CCDC192: variants seen among roughly 807,000 people sequenced by gnomAD.
The protein encoded by CCDC192 is coiled-coil domain containing 192, also known as coiled-coil domain-containing protein 192.
In CCDC192 at chr5:127,783,601, G is replaced by A. The variant is rs555384384; in HGVS notation, c.223-13502G>A. On this transcript the variant is annotated intron_variant, in intron 3 of 6. Transcript: ENST00000514853. ...TGAATAGAATGTGTATTCTGTGGTC[G>A]TTGGGTGGAATTTTGTATATGTATC... Among the ~76,000 whole-genome samples, 10 of 152,278 alleles carry A rather than the reference G, an allele frequency of 6.6e-5. No individual in the cohort carries two copies. In the East Asian group the frequency reaches 1.7e-3, roughly 26 times the overall value.
chr5:127,711,064 A>G (rs570035789), intron 2 of CCDC192, among the ~76,000 whole-genome samples: 1 of 152,206 alleles, frequency 6.6e-6, no homozygotes, highest in Non-Finnish European at 1.5e-5. Context: ...TAAAAATTCT[A>G]TTGCAAGAAG....
At chr5:127,863,026 TATA>T (rs1321859366) in intron 5 of CCDC192, among the ~76,000 whole-genome samples, 1 of 151,656 alleles carries the variant, frequency 6.6e-6, no homozygotes, top group Non-Finnish European at 1.5e-5. Flanking sequence ...ACCAGAACCA[TATA>T]ATAAGATCTG....
chr5:127,707,361 CT>C (rs1751029718), intron 1 of CCDC192, among the ~76,000 whole-genome samples: 2 of 151,146 alleles, frequency 1.3e-5, no homozygotes, highest in African/African-American at 2.4e-5. Flanking sequence ...ACAAAGAATT[CT>C]CCACGTCTGC....
chr5:127,800,376 G>GAAAAAAAAAA (rs1168212422), intron 5 of CCDC192, among the ~76,000 whole-genome samples: 33 of 19,502 alleles, frequency 1.7e-3, no homozygotes, highest in African/African-American at 5.9e-3. Context: ...GAGGTATTCT[G>GAAAAAAAAAA]AAAAAAAAAA....
intron 3 of CCDC192, among the ~76,000 whole-genome samples, chr5:127,757,020 A>T (rs1418205256): frequency 6.6e-6 from 1 of 152,254 alleles, no homozygotes; most frequent in South Asian, 2.1e-4. Flanking sequence ...AATATAGCAG[A>T]TTAAATATAT....
In CCDC192 at chr5:127,737,640, G is replaced by A. The variant is rs370639361; in HGVS notation, c.115-16628G>A. Among the ~76,000 whole-genome samples, 391 of 151,700 alleles carry A rather than the reference G, an allele frequency of 2.6e-3. 2 individuals are homozygous for A. Among genetic ancestry groups the A allele is most frequent in the East Asian group, 0.025 (128 of 5,122 alleles). ...TGTATTGGGTGCATATATATTTAGG[G>A]TAGTTAGCTCTTCTTGTTGAATTGA... On this transcript the variant is annotated intron_variant, in intron 2 of 6. Transcript: ENST00000514853.
At chr5:127,739,094 A>T (rs1437632157) in intron 2 of CCDC192, among the ~76,000 whole-genome samples, 3 of 152,112 alleles carry the variant, frequency 2.0e-5, no homozygotes, top group Admixed American at 6.5e-5. Flanking sequence ...ATGGTGATGT[A>T]CAGATGGGTT....
rs1352760325 is a variant in CCDC192, at chr5:127,764,625, T to A, written c.222+10250T>A. Among the ~76,000 whole-genome samples the A allele has an allele frequency of 4.6e-5, 7 of 152,174 alleles. No individual in the cohort carries two copies. In the East Asian group the frequency reaches 1.3e-3, roughly 29 times the overall value. On this transcript the variant is annotated intron_variant, in intron 3 of 6. Transcript: ENST00000514853. ...TGCAATCCTTGGATATTATGTCAGA[T>A]CCTTTAACTCTGGGGTGTCTAATCT...
chr5:127,875,995 G>A (rs1279287595), intron 6 of CCDC192, among the ~76,000 whole-genome samples: 1 of 151,872 alleles, frequency 6.6e-6, no homozygotes, highest in East Asian at 1.9e-4. Flanking sequence ...CAGGGACTGA[G>A]CTCTGGAGTG....
intron 6 of CCDC192, among the ~76,000 whole-genome samples, chr5:127,880,846 G>A (rs1344960313): frequency 6.6e-6 from 1 of 152,006 alleles, no homozygotes; most frequent in Non-Finnish European, 1.5e-5. Context: ...TGGATATGGT[G>A]GTGGGCACCT....
intron 3 of CCDC192, among the ~76,000 whole-genome samples, chr5:127,766,822 C>G (rs1021043005): frequency 6.6e-6 from 1 of 152,066 alleles, no homozygotes; most frequent in Non-Finnish European, 1.5e-5. Flanking sequence ...CTTTGGAACC[C>G]ACACACTCTC....
At chr5:127,818,532 T>C (rs920839213) in intron 5 of CCDC192, among the ~76,000 whole-genome samples, 1 of 152,174 alleles carries the variant, frequency 6.6e-6, no homozygotes, top group Non-Finnish European at 1.5e-5. Context: ...AGAGATTACA[T>C]AGAGACCCCA....
intron 6 of CCDC192, among the ~76,000 whole-genome samples, chr5:127,896,015 C>T (rs2127161073): frequency 6.6e-6 from 1 of 152,232 alleles, no homozygotes; most frequent in African/African-American, 2.4e-5. Flanking sequence ...TAAGAGTCCA[C>T]TTGGTGGAAT....
chr5:127,889,470 C>T (rs1362967574), intron 6 of CCDC192, among the ~76,000 whole-genome samples: 2 of 150,656 alleles, frequency 1.3e-5, no homozygotes, highest in African/African-American at 2.4e-5. Flanking sequence ...GGCACCATCT[C>T]GGCTCACTGC....
intron 5 of CCDC192, among the ~76,000 whole-genome samples, chr5:127,803,641 G>T (rs554458067): frequency 6.6e-6 from 1 of 152,042 alleles, no homozygotes; most frequent in African/African-American, 2.4e-5. Context: ...TCACTCCTTC[G>T]TGGATGACCT....
chr5:127,777,897 CT>C lies in CCDC192; in HGVS notation c.223-19193del, dbSNP rs34221635. Reference sequence around the variant, plus strand: ...TGGAACTGTGAGTACATGAAACCTCCTTTTTTTTTTTTTACAAATTATCCAG... The same window carrying C: ...TGGAACTGTGAGTACATGAAACCTCCTTTTTTTTTTTTACAAATTATCCAG... On this transcript the variant is annotated intron_variant, in intron 3 of 6. Transcript: ENST00000514853. Among the ~76,000 whole-genome samples the C allele has an allele frequency of 4.5e-3, 644 of 144,218 alleles. 2 individuals are homozygous for C. Among genetic ancestry groups the C allele is most frequent in the African/African-American group, 0.011 (445 of 39,582 alleles). 94.6% of individuals were successfully genotyped at this position (144,218 alleles called of 152,430 possible). A position where few individuals can be genotyped will look rare whatever the true frequency, so the allele number is the denominator to read the frequency against.
upstream of CCDC192, among the ~76,000 whole-genome samples, chr5:127,702,312 T>C (rs1181286463): frequency 6.7e-6 from 1 of 150,284 alleles, no homozygotes; most frequent in Non-Finnish European, 1.5e-5. Flanking sequence ...TAAGATGATT[T>C]CTGATCCCCA....
chr5:127,841,502 A>G lies in CCDC192; in HGVS notation c.412-34036A>G, dbSNP rs1329356966. Among the ~76,000 whole-genome samples the G allele has an allele frequency of 3.3e-5, 5 of 152,152 alleles. No individual in the cohort carries two copies. The East Asian group carries it at 9.6e-4, about 29-fold the overall frequency. ...TTTTAATCTTGGTTTTCATTTTAGA[A>G]CACAATCTTTCAAGTTTTCATAAAA... On this transcript the variant is annotated intron_variant, in intron 5 of 6. Transcript: ENST00000514853.
chr5:127,703,706 C>T (rs1419692956), intron 1 of CCDC192, among the ~76,000 whole-genome samples, 199 bp downstream of exon 1: 1 of 152,190 alleles, frequency 6.6e-6, no homozygotes. Context: ...GCCTGACACA[C>T]AGTAGGGGTT....
Sources: gnomAD v4.1 joint callset for allele counts (sites outside exome capture counted in the v4.1 genomes callset) on GRCh38, gnomAD v4.1.1 for gene constraint, MANE v1.5 for transcripts, NCBI Gene and HGNC (gene_info 2026-07-23, HGNC 2026-07-21) for gene names.